PSMD6: variants seen among roughly 807,000 people sequenced by gnomAD.
PSMD6 encodes 26S proteasome non-ATPase regulatory subunit 6.
A neutral mutation model predicts 44.9 loss-of-function variants in PSMD6; 7 were observed. That is an observed-to-expected ratio of 0.16 (90% CI 0.09 to 0.29). The LOEUF is 0.29. Ranked by LOEUF, PSMD6 falls within the 10% of genes least tolerant of loss-of-function variation. The probability of loss-of-function intolerance (pLI) is 1.00; values close to 1 mark genes in which losing one functional copy is unlikely to be tolerated. For missense variants in PSMD6, 420 were observed against 482.6 expected, an observed-to-expected ratio of 0.87 and a Z score of 1.21; for synonymous variants, 184 against 172.7, an observed-to-expected ratio of 1.07 and a Z score of -0.51.
intron 3 of PSMD6, 89 bp from the exon 4 acceptor site, chr3:64,019,126 C>T: frequency 1.4e-6 from 2 of 1,417,342 alleles, no homozygotes; most frequent in Non-Finnish European, 1.9e-6. Context: ...GAGAAAACAA[C>T]TTTTAACAAC....
At position 64,018,771 on chromosome 3, in the gene PSMD6, CA is replaced by C. The variant is rs763478200; in HGVS notation, c.717+46del. 2.7e-5 allele frequency: 41 copies of C among 1,522,744 alleles called. No individual in the cohort carries two copies. The African/African-American group carries it at 2.9e-4, about 11-fold the overall frequency. 94.3% of individuals were successfully genotyped at this position (1,522,744 alleles called of 1,614,324 possible). A position where few individuals can be genotyped will look rare whatever the true frequency, so the allele number is the denominator to read the frequency against. On this transcript the variant is annotated intron_variant, in intron 4 of 7. Transcript: ENST00000295901. ...CATTTTAATGATTTGTGTATTTAAA[CA>C]AAAAAAACAAGTCTTTAAATTTGAG...
Position 64,023,469 on chromosome 3 carries a change from C to G in PSMD6, c.-50G>C, listed in dbSNP as rs760421599. On this transcript the variant is annotated 5_prime_UTR_variant, in exon 1 of 8. Coordinates refer to ENST00000295901, the MANE Select transcript of PSMD6 (RefSeq NM_014814.3). ...CAGGACACAACTTGGTTACGACCGG[C>G]TGCGGCAGCGGAAGCGGGAGGAGTC... The G allele has an allele frequency of 2.7e-6, 4 of 1,509,216 alleles. No individual in the cohort carries two copies. Among genetic ancestry groups the G allele is most frequent in the Non-Finnish European group, 2.7e-6 (3 of 1,121,194 alleles). 93.5% of individuals were successfully genotyped at this position (1,509,216 alleles called of 1,614,324 possible). A position where few individuals can be genotyped will look rare whatever the true frequency, so the allele number is the denominator to read the frequency against.
chr3:64,022,587 A>G, intron 1 of PSMD6, 64 bp from the exon 2 acceptor site: 1 of 1,580,688 alleles, frequency 6.3e-7, no homozygotes, highest in Non-Finnish European at 8.6e-7. Flanking sequence ...AAGTCTGCCC[A>G]CGTATTTCAC....
At chr3:64,019,509 T>G in intron 2 of PSMD6, 68 bp from the exon 3 acceptor site, 1 of 1,510,014 alleles carries the variant, frequency 6.6e-7, no homozygotes, top group Non-Finnish European at 9.0e-7. Flanking sequence ...ATCAGCTGTC[T>G]GGGATTTTCT....
chr3:64,023,533 C>G, upstream of PSMD6: 1 of 1,411,166 alleles, frequency 7.1e-7, no homozygotes, highest in Middle Eastern at 2.1e-4. Flanking sequence ...GGCTTCCGGT[C>G]CCGTCTCCGC....
chr3:64,010,946 G>A lies in PSMD6; in HGVS notation c.1005C>T (p.Ser335=), dbSNP rs759167230. ...GTAGTCTCCCGGCAGCAATAAACCT[G>A]GACAGTTCCCTAATTTAGAGACAAA... ...VGVEFIDQEL[S]RFIAAGRLHC... The change falls in exon 7 of 8, where the codon TCC becomes TCT. Residue 335 remains serine, a synonymous_variant. Coordinates refer to ENST00000295901, the MANE Select transcript of PSMD6 (RefSeq NM_014814.3). 8.1e-6 allele frequency: 13 copies of A among 1,599,970 alleles called. No homozygotes were observed. The highest frequency in any genetic ancestry group is 1.0e-5 in the Non-Finnish European group (12 of 1,172,860).
chr3:64,023,293 C>A lies in PSMD6; in HGVS notation c.127G>T (p.Ala43Ser). 1 of 1,578,084 alleles carries A rather than the reference C, an allele frequency of 6.3e-7. No individual in the cohort carries two copies. The highest frequency in any genetic ancestry group is 8.6e-7 in the Non-Finnish European group (1 of 1,162,612). ...GDAAVRDELM[A>S]AVRDNNMAPY... ...GCCTCACTGTTATCGCGGACGGCCG[C>A]CATCAGCTCGTCGCGCACGGCAGCG... Residue 43 changes from alanine (A) to serine (S), a missense_variant, in exon 1 of 8, where the codon GCG (alanine) becomes TCG (serine). Coordinates refer to ENST00000295901, the MANE Select transcript of PSMD6 (RefSeq NM_014814.3).
At position 64,022,393 on chromosome 3, in the gene PSMD6, C is replaced by T; in HGVS notation, c.276G>A (p.Glu92=). ...GAATTTCGCTCTCTCCTAGATTCTT[C>T]TCTGCATCTTCCAGCTCCTCATCCA... ...KRLDEELEDA[E]KNLGESEIRD... The change falls in exon 2 of 8, where the codon GAG becomes GAA. Residue 92 remains glutamate (E), a synonymous_variant. Coordinates refer to ENST00000295901, the MANE Select transcript of PSMD6 (RefSeq NM_014814.3). The T allele has an allele frequency of 1.2e-6, 2 of 1,614,250 alleles. No homozygotes were observed. The highest frequency in any genetic ancestry group is 1.7e-6 in the Non-Finnish European group (2 of 1,180,044).
intron 6 of PSMD6, chr3:64,012,905 C>G (rs1289118332): frequency 6.6e-6 from 1 of 152,186 alleles, no homozygotes; most frequent in African/African-American, 2.4e-5. Flanking sequence ...CATCTCTTCC[C>G]TACTACTACA....
intron 2 of PSMD6, among the ~76,000 whole-genome samples, chr3:64,020,868 T>G (rs1270290193): frequency 6.6e-6 from 1 of 152,198 alleles, no homozygotes; most frequent in Non-Finnish European, 1.5e-5. Context: ...TTTTTTATAT[T>G]GGCACCATGT....
At chr3:64,022,188 C>T in intron 2 of PSMD6, 130 bp downstream of exon 2, 4 of 1,025,962 alleles carry the variant, frequency 3.9e-6, no homozygotes, top group Non-Finnish European at 5.6e-6. Context: ...TTCACCAGTA[C>T]AAGCAAGCAT....
At chr3:64,013,221 C>G in intron 6 of PSMD6, 1 of 459,702 alleles carries the variant, frequency 2.2e-6, no homozygotes, top group Non-Finnish European at 3.8e-6. Context: ...AGCCTCACTA[C>G]AACTCATCTT....
At chr3:64,017,218 T>TTATTAA (rs2076058511) in intron 5 of PSMD6, 1 of 152,236 alleles carries the variant, frequency 6.6e-6, no homozygotes, top group Non-Finnish European at 1.5e-5. Context: ...TGTTCTGGAA[T>TTATTAA]TATTAATATT....
At chr3:64,015,671 C>T (rs1258987991) in intron 5 of PSMD6, 1 of 152,138 alleles carries the variant, frequency 6.6e-6, no homozygotes, top group Non-Finnish European at 1.5e-5. Context: ...AAAATACATC[C>T]ACAATACACA....
rs555604134 is a variant in PSMD6 at position 64,023,440 on chromosome 3, C to T, written c.-21G>A. On this transcript the variant is annotated 5_prime_UTR_variant, in exon 1 of 8. Transcript: ENST00000295901. ...GGCATCGCGGCGAAGGGGACAGCGG[C>T]TGACAGGACACAACTTGGTTACGAC... The T allele has an allele frequency of 1.0e-5, 16 of 1,582,454 alleles. No individual in the cohort carries two copies. The East Asian group carries it at 2.8e-4, about 28-fold the overall frequency.
intron 6 of PSMD6, 79 bp from the exon 7 acceptor site, chr3:64,011,034 C>T: frequency 8.5e-7 from 1 of 1,180,320 alleles, no homozygotes; most frequent in Non-Finnish European, 1.2e-6. Flanking sequence ...AAAATACTGT[C>T]TTAAATTTGT....
intron 5 of PSMD6, chr3:64,014,516 T>G (rs1322856278): frequency 1.3e-5 from 2 of 151,872 alleles, no homozygotes; most frequent in African/African-American, 4.8e-5. Flanking sequence ...GATACAAAAG[T>G]CTGAAGGCAG....
chr3:64,012,514 T>C (rs1435870119), intron 6 of PSMD6: 1 of 152,204 alleles, frequency 6.6e-6, no homozygotes, highest in Non-Finnish European at 1.5e-5. Flanking sequence ...TAACTTGGGC[T>C]CTAAATCTTC....
rs763592354 is a variant in PSMD6, at chr3:64,023,429, G to C, written c.-10C>G. 6 of 1,592,186 alleles carry C rather than the reference G, an allele frequency of 3.8e-6. No homozygotes were observed. The African/African-American group carries it at 5.4e-5, about 14-fold the overall frequency. Reference sequence around the variant, plus strand: ...GGTTCTCCAGCGGCATCGCGGCGAAGGGGACAGCGGCTGACAGGACACAAC... The same window carrying C: ...GGTTCTCCAGCGGCATCGCGGCGAACGGGACAGCGGCTGACAGGACACAAC... On this transcript the variant is annotated 5_prime_UTR_variant, in exon 1 of 8. Transcript: ENST00000295901.
Sources: gnomAD v4.1 joint callset for allele counts (sites outside exome capture counted in the v4.1 genomes callset) on GRCh38, gnomAD v4.1.1 for gene constraint, MANE v1.5 for transcripts, NCBI Gene and HGNC (gene_info 2026-07-23, HGNC 2026-07-21) for gene names.